Variants in BCL2L1 observed in about 807,000 individuals in gnomAD.
The protein encoded by BCL2L1 is BCL2 like 1.
A neutral mutation model predicts 18.7 loss-of-function variants in BCL2L1; 1 was observed. The ratio of observed to expected loss-of-function variants is 0.05; its 90% CI spans 0.02 to 0.25. The LOEUF is 0.25. Among genes scored for constraint, BCL2L1 ranks in the 10% least tolerant of loss-of-function variants. The pLI, the probability that BCL2L1 is intolerant of heterozygous loss-of-function variation, is 1.00. For missense variants in BCL2L1, 207 were observed against 304.9 expected (o/e 0.68, Z 2.39); for synonymous variants, 103 against 122.7 (o/e 0.84, Z 1.06).
intron 2 of BCL2L1, among the ~76,000 whole-genome samples, chr20:31,707,519 C>T (rs899790449): frequency 6.6e-5 from 10 of 152,136 alleles, no homozygotes; most frequent in African/African-American, 2.4e-4. Flanking sequence ...TGGCTCACAC[C>T]TGTAATCCTA....
At chr20:31,712,578 A>C in intron 2 of BCL2L1, among the ~76,000 whole-genome samples, 1 of 152,164 alleles carries the variant, frequency 6.6e-6, no homozygotes, top group Non-Finnish European at 1.5e-5. Flanking sequence ...AATTACAGAG[A>C]AGTCTCAGCA....
intron 2 of BCL2L1, among the ~76,000 whole-genome samples, chr20:31,693,079 A>C (rs2061107291): frequency 6.6e-6 from 1 of 151,204 alleles, no homozygotes; most frequent in African/African-American, 2.4e-5. Flanking sequence ...AAAAAAAAAA[A>C]ACAAAAACAA....
rs186039789 is a variant in BCL2L1, at chr20:31,699,897, A to G, written c.564+21758T>C. ...TGGTAGTCAACCATTATCCCATTGGATCTCTGCAGAGGAGATTTGAAAGAT... is the reference window on the plus strand; with the variant it reads ...TGGTAGTCAACCATTATCCCATTGGGTCTCTGCAGAGGAGATTTGAAAGAT... On this transcript the variant is annotated intron_variant, in intron 2 of 2. Transcript: ENST00000307677. Among the ~76,000 whole-genome samples, 351 of 152,292 alleles carry G rather than the reference A, an allele frequency of 2.3e-3. 4 individuals carry two copies. The highest frequency in any genetic ancestry group is 8.1e-3 in the African/African-American group (338 of 41,568).
chr20:31,710,145 A>G (rs958747021), intron 2 of BCL2L1, among the ~76,000 whole-genome samples: 1 of 152,204 alleles, frequency 6.6e-6, no homozygotes, highest in African/African-American at 2.4e-5. Context: ...AGTGCCTCCT[A>G]TGTACCAAGC....
upstream of BCL2L1, chr20:31,723,444 G>A: frequency 1.0e-6 from 1 of 985,430 alleles, no homozygotes; most frequent in Non-Finnish European, 1.2e-6. Flanking sequence ...GGCGCCCCCG[G>A]GAGGGCTCCG....
chr20:31,713,684 T>A, intron 2 of BCL2L1: 1 of 724,082 alleles, frequency 1.4e-6, no homozygotes, highest in Non-Finnish European at 1.7e-6. Flanking sequence ...AATCAATATG[T>A]AAAAAAAGAG....
intron 2 of BCL2L1, among the ~76,000 whole-genome samples, chr20:31,693,620 A>G (rs374000683): frequency 6.6e-6 from 1 of 150,788 alleles, no homozygotes; most frequent in South Asian, 2.1e-4. Flanking sequence ...GCAGCCTTAA[A>G]CTCCTGGGCT....
chr20:31,711,152 A>G (rs1276328422), intron 2 of BCL2L1, among the ~76,000 whole-genome samples: 2 of 152,252 alleles, frequency 1.3e-5, no homozygotes, highest in African/African-American at 4.8e-5. Context: ...CCTGGCACAG[A>G]GCAAGTAACT....
upstream of BCL2L1, chr20:31,723,779 G>GC (rs1336393137): frequency 1.0e-6 from 1 of 985,348 alleles, no homozygotes; most frequent in East Asian, 1.1e-4. Context: ...CCCTTCATCG[G>GC]CCCGGTAGCT....
chr20:31,709,175 G>A (rs1295881172), intron 2 of BCL2L1, among the ~76,000 whole-genome samples: 1 of 152,134 alleles, frequency 6.6e-6, no homozygotes, highest in Non-Finnish European at 1.5e-5. Flanking sequence ...TCAGCCACCT[G>A]GTTTCTTCCC....
intron 2 of BCL2L1, among the ~76,000 whole-genome samples, chr20:31,674,313 C>T (rs1287464482): frequency 6.6e-6 from 1 of 152,158 alleles, no homozygotes; most frequent in Non-Finnish European, 1.5e-5. Flanking sequence ...GTGGGTACTA[C>T]CATTAACCCA....
At chr20:31,674,870 G>A (rs202176551) in intron 2 of BCL2L1, among the ~76,000 whole-genome samples, 3 of 114,302 alleles carry the variant, frequency 2.6e-5, no homozygotes, top group African/African-American at 4.1e-5. Flanking sequence ...ATGAGACCCC[G>A]TCTCAAAAAA....
In BCL2L1 at chr20:31,708,064, T is replaced by C. The variant is rs2061397609; in HGVS notation, c.564+13591A>G. Among the ~76,000 whole-genome samples the C allele has an allele frequency of 2.0e-5, 3 of 152,268 alleles. No individual in the cohort carries two copies. The South Asian group carries it at 6.2e-4, about 32-fold the overall frequency. On this transcript the variant is annotated intron_variant, in intron 2 of 2. Coordinates refer to ENST00000307677, the MANE Select transcript of BCL2L1 (RefSeq NM_138578.3). ...CCCCAGAAGAGTCTTCCTAACCTCTTTCCATCAGGTTTTAACATCACACTG... is the reference window on the plus strand; with the variant it reads ...CCCCAGAAGAGTCTTCCTAACCTCTCTCCATCAGGTTTTAACATCACACTG...
intron 2 of BCL2L1, among the ~76,000 whole-genome samples, chr20:31,700,633 C>T (rs1414360944): frequency 1.3e-5 from 2 of 152,234 alleles, no homozygotes; most frequent in Non-Finnish European, 2.9e-5. Context: ...CTACTGGGAG[C>T]TACAGCCCCT....
rs1366585869 is a variant in BCL2L1, at chr20:31,665,647, A to G, written c.*302T>C. The G allele has an allele frequency of 2.3e-6, 1 of 429,860 alleles. No individual in the cohort carries two copies. Among genetic ancestry groups the G allele is most frequent in the East Asian group, 4.0e-5 (1 of 24,856 alleles). The allele number at this position is 429,860 out of a possible 1,614,324, so 26.6% of individuals were successfully genotyped here. A position where few individuals can be genotyped will look rare whatever the true frequency, so the allele number is the denominator to read the frequency against. On this transcript the variant is annotated 3_prime_UTR_variant, in exon 3 of 3. Transcript: ENST00000307677. ...AGGCTAAGGGGTAAGGGTTGCACCAATCAGGTAGGGCCCTCCTGCCCCCAG... is the reference window on the plus strand; with the variant it reads ...AGGCTAAGGGGTAAGGGTTGCACCAGTCAGGTAGGGCCCTCCTGCCCCCAG...
chr20:31,697,896 T>TTTTTTTTTTGTTTGTTTGTTTG (rs2061206418), intron 2 of BCL2L1, among the ~76,000 whole-genome samples: 1 of 148,736 alleles, frequency 6.7e-6, no homozygotes, highest in African/African-American at 2.6e-5. Context: ...GTTGCTGTTT[T>TTTTTTTTTTGTTTGTTTGTTTG]TTTTTTTTTG....
At chr20:31,720,350 T>A (rs992428241) in intron 2 of BCL2L1, among the ~76,000 whole-genome samples, 1 of 152,216 alleles carries the variant, frequency 6.6e-6, no homozygotes, top group Non-Finnish European at 1.5e-5. Flanking sequence ...CCATGGTGCA[T>A]GTCCCCTTCC....
At chr20:31,685,399 CA>C (rs113218713) in intron 2 of BCL2L1, among the ~76,000 whole-genome samples, 112 of 132,854 alleles carry the variant, frequency 8.4e-4, no homozygotes, top group Non-Finnish European at 8.7e-4. Flanking sequence ...GACTCCATCT[CA>C]AAAAAAAAAA....
At position 31,688,407 on chromosome 20, in the gene BCL2L1, G is replaced by A. The variant is rs1419102468; in HGVS notation, c.565-22321C>T. On this transcript the variant is annotated intron_variant, in intron 2 of 2. Coordinates refer to ENST00000307677, the MANE Select transcript of BCL2L1 (RefSeq NM_138578.3). ...TGCAGTGAGCCAAGATCGTGCCACTGCATTCCAGCCTGGGTGACAGAGCAA... is the reference window on the plus strand; with the variant it reads ...TGCAGTGAGCCAAGATCGTGCCACTACATTCCAGCCTGGGTGACAGAGCAA... 2.8e-5 allele frequency among the ~76,000 whole-genome samples: 4 copies of A among 141,624 alleles called. No individual in the cohort carries two copies. The East Asian group carries it at 8.1e-4, about 29-fold the overall frequency. 92.9% of individuals were successfully genotyped at this position (141,624 alleles called of 152,430 possible). A position where few individuals can be genotyped will look rare whatever the true frequency, so the allele number is the denominator to read the frequency against.
Sources: allele counts gnomAD v4.1 joint callset (sites outside exome capture counted in the v4.1 genomes callset), GRCh38; gene constraint gnomAD v4.1.1; transcripts MANE v1.5; gene names NCBI Gene and HGNC (gene_info 2026-07-23, HGNC 2026-07-21).